KMT2C: variants seen among roughly 807,000 people sequenced by gnomAD.
The protein encoded by KMT2C is histone-lysine N-methyltransferase 2C.
KMT2C carries 88 observed loss-of-function variants against 507.9 expected under a neutral mutation model. The ratio of observed to expected loss-of-function variants is 0.17; its 90% CI spans 0.15 to 0.21. KMT2C has a LOEUF of 0.21. Among genes scored for constraint, KMT2C ranks in the 10% least tolerant of loss-of-function variants. KMT2C has a pLI of 1.00. For synonymous variants in KMT2C, 2,049 were observed against 2,080.8 expected (o/e 0.98, Z 0.42); for missense variants, 4,954 against 5,957.8 (o/e 0.83, Z 5.55).
intron 2 of KMT2C, among the ~76,000 whole-genome samples, chr7:152,340,827 T>C (rs1272005890): frequency 6.6e-6 from 1 of 152,150 alleles, no homozygotes; most frequent in East Asian, 1.9e-4. Flanking sequence ...AGTCCAATAC[T>C]TGTCAAAAGC....
intron 15 of KMT2C, among the ~76,000 whole-genome samples, chr7:152,236,534 T>C (rs2095278171): frequency 6.6e-6 from 1 of 152,198 alleles, no homozygotes; most frequent in African/African-American, 2.4e-5. Flanking sequence ...TCTGTACTGC[T>C]ACATCAGCGT....
Position 152,252,003 on chromosome 7 carries a change from G to C in KMT2C, c.1557C>G (p.His519Gln). ...KEEYICMYCK[H>Q]LGAEMDRLQP... ...GTAAACGATCCATCTCAGCTCCCAG[G>C]TGTTTACAATACATGCAGATATACT... is the stretch of plus-strand genomic sequence containing the variant. Residue 519 changes from histidine (H) to glutamine (Q), a missense_variant, in exon 11 of 59, where the codon CAC becomes CAG. Transcript: ENST00000262189. 5 of 1,613,052 alleles carry C rather than the reference G, an allele frequency of 3.1e-6. No individual in the cohort carries two copies. In the African/African-American group the frequency reaches 5.3e-5, roughly 17 times the overall value.
chr7:152,356,172 A>C (rs1299184150), intron 2 of KMT2C, among the ~76,000 whole-genome samples: 1 of 152,150 alleles, frequency 6.6e-6, no homozygotes, highest in Non-Finnish European at 1.5e-5. Flanking sequence ...ATTGTTCTCT[A>C]TTTTTTATTT....
At chr7:152,253,743 G>C (rs200264413) in intron 9 of KMT2C, among the ~76,000 whole-genome samples, 1 of 151,998 alleles carries the variant, frequency 6.6e-6, no homozygotes, top group African/African-American at 2.4e-5. Context: ...GTCTGAAAAT[G>C]TGAAAATATA....
At chr7:152,314,762 T>TA (rs2096707961) in intron 4 of KMT2C, among the ~76,000 whole-genome samples, 1 of 152,174 alleles carries the variant, frequency 6.6e-6, no homozygotes, top group Admixed American at 6.6e-5. Context: ...TAAAAGCTTA[T>TA]TTAGAGAAAC....
At chr7:152,426,252 T>G (rs1274096565) in intron 1 of KMT2C, among the ~76,000 whole-genome samples, 2 of 147,906 alleles carry the variant, frequency 1.4e-5, no homozygotes, top group Non-Finnish European at 3.0e-5. Context: ...TTTTTTTTTT[T>G]TGGGAGATAG....
At chr7:152,306,175 T>A (rs2096614445) in intron 6 of KMT2C, among the ~76,000 whole-genome samples, 1 of 152,170 alleles carries the variant, frequency 6.6e-6, no homozygotes, top group Non-Finnish European at 1.5e-5. Context: ...CTTAGGTGAG[T>A]TCTTTCCCTC....
rs80203795 is a variant in KMT2C at position 152,322,535 on chromosome 7, T to G, written c.390-7197A>C. On this transcript the variant is annotated intron_variant, in intron 3 of 58. Coordinates refer to ENST00000262189, the MANE Select transcript of KMT2C (RefSeq NM_170606.3). ...GCACAAGAATAAAATCATACCCTTG[T>G]CTCACATAACACAAAAAATCAATTC... 3.9e-5 allele frequency among the ~76,000 whole-genome samples: 6 copies of G among 152,174 alleles called. No individual in the cohort carries two copies. In the East Asian group the frequency reaches 1.2e-3, roughly 29 times the overall value.
At chr7:152,232,083 GT>G (rs1191723222) in intron 16 of KMT2C, among the ~76,000 whole-genome samples, 2 of 152,170 alleles carry the variant, frequency 1.3e-5, no homozygotes, top group African/African-American at 4.8e-5. Flanking sequence ...GTTTCACCAT[GT>G]TAGCCAGGAT....
chr7:152,154,605 A>T (rs1282548695), intron 46 of KMT2C, among the ~76,000 whole-genome samples, 160 bp from the exon 47 acceptor site: 1 of 152,242 alleles, frequency 6.6e-6, no homozygotes, highest in Admixed American at 6.5e-5. Context: ...CACTGGGAAA[A>T]AAATACAAGA....
At position 152,156,308 on chromosome 7, in the gene KMT2C, A is replaced by G; in HGVS notation, c.11709T>C (p.Ser3903=). ...CCATAGGAGGTGGTGTAGGAGGAAGAGAGGCAGGGGGTGTTGGAGGATTAC... is the reference window on the plus strand; with the variant it reads ...CCATAGGAGGTGGTGTAGGAGGAAGGGAGGCAGGGGGTGTTGGAGGATTAC... ...NLSNPPTPPA[S]LPPTPPPMAC... Residue 3903 remains serine (S), a synonymous_variant, in exon 45 of 59, where the codon TCT becomes TCC. Coordinates refer to ENST00000262189, the MANE Select transcript of KMT2C (RefSeq NM_170606.3). 6.2e-7 allele frequency: 1 copy of G among 1,614,106 alleles called. No individual in the cohort carries two copies. Among genetic ancestry groups the G allele is most frequent in the African/African-American group, 1.3e-5 (1 of 75,050 alleles).
chr7:152,349,897 T>A (rs1271238196), intron 2 of KMT2C, among the ~76,000 whole-genome samples: 1 of 152,136 alleles, frequency 6.6e-6, no homozygotes, highest in Non-Finnish European at 1.5e-5. Context: ...AGGGGATTTA[T>A]GGGAGATTTC....
chr7:152,299,684 A>G (rs377228215), intron 6 of KMT2C, among the ~76,000 whole-genome samples: 3 of 151,956 alleles, frequency 2.0e-5, no homozygotes, highest in East Asian at 2.0e-4. Context: ...GATGCAAGGA[A>G]CAGATAGAGA....
At chr7:152,395,362 C>A (rs372577125) in intron 1 of KMT2C, among the ~76,000 whole-genome samples, 7 of 151,934 alleles carry the variant, frequency 4.6e-5, no homozygotes, top group African/African-American at 7.2e-5. Context: ...CTTTCCCCCC[C>A]CCAGTTAGAG....
At chr7:152,330,829 T>G (rs1329510044) in intron 2 of KMT2C, 90 bp from the exon 3 acceptor site, 1 of 1,214,212 alleles carries the variant, frequency 8.2e-7, no homozygotes, top group Non-Finnish European at 1.2e-6. Context: ...TAGGTCATAA[T>G]GTAAAAAGAA....
In KMT2C at chr7:152,349,767, A is replaced by T. The variant is rs114603253; in HGVS notation, c.250+8820T>A. ...ACCCATAGAATGTAAACCAAGAGTG[A>T]ACCCTTATGTGAACTATAAACTGTG... On this transcript the variant is annotated intron_variant, in intron 2 of 58. Coordinates refer to ENST00000262189, the MANE Select transcript of KMT2C (RefSeq NM_170606.3). Among the ~76,000 whole-genome samples, 1,145 of 152,228 alleles carry T rather than the reference A, an allele frequency of 7.5e-3. 14 individuals carry two copies. The highest frequency in any genetic ancestry group is 0.027 in the African/African-American group (1,103 of 41,532).
At chr7:152,270,504 C>T (rs887522275) in intron 7 of KMT2C, among the ~76,000 whole-genome samples, 1 of 152,134 alleles carries the variant, frequency 6.6e-6, no homozygotes, top group Non-Finnish European at 1.5e-5. Context: ...CATGATCTAG[C>T]CTTTGTTCGC....
intron 6 of KMT2C, among the ~76,000 whole-genome samples, chr7:152,305,451 G>A (rs1392739193): frequency 6.6e-6 from 1 of 152,198 alleles, no homozygotes; most frequent in Admixed American, 6.5e-5. Flanking sequence ...GGTCAGCATG[G>A]CTGAAGGAAG....
chr7:152,230,806 G>A (rs1344784893), intron 16 of KMT2C, among the ~76,000 whole-genome samples: 2 of 152,006 alleles, frequency 1.3e-5, no homozygotes, highest in East Asian at 1.9e-4. Context: ...AATTAATTTC[G>A]CCTGTTCACT....
Sources: allele counts gnomAD v4.1 joint callset (sites outside exome capture counted in the v4.1 genomes callset), GRCh38; gene constraint gnomAD v4.1.1; transcripts MANE v1.5; gene names NCBI Gene and HGNC (gene_info 2026-07-23, HGNC 2026-07-21).